Variants in ARID1B observed in about 807,000 individuals in gnomAD.
ARID1B encodes AT-rich interactive domain-containing protein 1B.
In ARID1B, 30 loss-of-function variants were observed where a neutral mutation model predicts 212.3. That is an observed-to-expected ratio of 0.14 (90% CI 0.11 to 0.19). ARID1B has a LOEUF of 0.19. ARID1B is among the 10% of genes least tolerant of loss of function. The pLI, the probability that ARID1B is intolerant of heterozygous loss-of-function variation, is 1.00. For synonymous variants in ARID1B, 1,402 were observed against 1,301.7 expected, an observed-to-expected ratio of 1.08 and a Z score of -1.66; for missense variants, 2,891 against 3,204.0, an observed-to-expected ratio of 0.90 and a Z score of 2.36.
intron 2 of ARID1B, among the ~76,000 whole-genome samples, chr6:156,862,666 T>C (rs1785415325): frequency 6.6e-6 from 1 of 151,742 alleles, no homozygotes; most frequent in South Asian, 2.1e-4. Context: ...AGCGGAGTGG[T>C]GTAAGGAGTG....
intron 4 of ARID1B, among the ~76,000 whole-genome samples, chr6:156,997,782 T>A (rs1305366123): frequency 6.6e-6 from 1 of 152,174 alleles, no homozygotes; most frequent in Admixed American, 6.5e-5. Context: ...TATCTAAAGA[T>A]TCTCCTATTA....
intron 1 of ARID1B, among the ~76,000 whole-genome samples, chr6:156,785,446 A>T (rs1237883193): frequency 6.6e-6 from 1 of 152,242 alleles, no homozygotes; most frequent in Non-Finnish European, 1.5e-5. Flanking sequence ...ATATTTGATG[A>T]AATCCAGAAG....
chr6:156,802,943 CAATT>C (rs539604640), intron 1 of ARID1B, among the ~76,000 whole-genome samples: 176 of 152,236 alleles, frequency 1.2e-3, no homozygotes, highest in African/African-American at 2.7e-3. Flanking sequence ...ATATGAAAAA[CAATT>C]AAAGCGTGAT....
chr6:156,864,087 T>C (rs969446008), intron 2 of ARID1B, among the ~76,000 whole-genome samples: 4 of 152,234 alleles, frequency 2.6e-5, no homozygotes, highest in African/African-American at 4.8e-5. Context: ...GGAAAAATTA[T>C]GTCTGTAGAA....
intron 6 of ARID1B, among the ~76,000 whole-genome samples, chr6:157,126,640 G>A (rs929244604): frequency 5.3e-5 from 8 of 152,094 alleles, no homozygotes; most frequent in Non-Finnish European, 7.4e-5. Context: ...ATGAGGTTTC[G>A]AGGAAACTTT....
intron 4 of ARID1B, among the ~76,000 whole-genome samples, chr6:157,077,448 C>T (rs1317076394): frequency 6.6e-6 from 1 of 152,100 alleles, no homozygotes; most frequent in African/African-American, 2.4e-5. Context: ...GGCTCCGGAG[C>T]CTCACCCTCT....
rs1235239550 is a variant in ARID1B, at chr6:156,778,142, C to T, written c.462C>T (p.Thr154=). The part of the protein sequence containing the change: ...TGLLPNHKLK[T]VGEAPAAPPH... Reference sequence around the variant, plus strand: ...TGCTCCCCAACCACAAACTGAAAACCGTTGGCGAAGCCCCCGCCGCGCCGC... The same window carrying T: ...TGCTCCCCAACCACAAACTGAAAACTGTTGGCGAAGCCCCCGCCGCGCCGC... Residue 154 remains threonine (T), a synonymous_variant, in exon 1 of 20, where the codon ACC becomes ACT. Coordinates refer to ENST00000636930, the MANE Select transcript of ARID1B (RefSeq NM_001374828.1). The T allele has an allele frequency of 1.9e-6, 3 of 1,539,966 alleles. No individual in the cohort carries two copies. The highest frequency in any genetic ancestry group is 2.6e-6 in the Non-Finnish European group (3 of 1,146,076).
chr6:156,817,951 T>A (rs747359215), intron 1 of ARID1B, among the ~76,000 whole-genome samples: 10 of 152,166 alleles, frequency 6.6e-5, no homozygotes, highest in Admixed American at 1.3e-4. Context: ...CAGTTATCAC[T>A]GTCAGGAAAC....
chr6:157,169,281 T>A (rs1319330120), intron 9 of ARID1B: 3 of 152,238 alleles, frequency 2.0e-5, no homozygotes, highest in Non-Finnish European at 4.4e-5. Flanking sequence ...GTGGTGGAAT[T>A]TTCTGAACCT....
intron 4 of ARID1B, among the ~76,000 whole-genome samples, chr6:156,951,692 C>G (rs1793602832): frequency 6.6e-6 from 1 of 152,156 alleles, no homozygotes; most frequent in South Asian, 2.1e-4. Flanking sequence ...ATCCGCCCGC[C>G]TCAGCCTTCC....
intron 2 of ARID1B, among the ~76,000 whole-genome samples, chr6:156,895,838 G>A (rs560059442): frequency 3.9e-5 from 6 of 152,026 alleles, no homozygotes; most frequent in Non-Finnish European, 8.8e-5. Context: ...AAGGAGCAAA[G>A]CATGGCTGAA....
At chr6:156,889,324 A>T (rs1787750456) in intron 2 of ARID1B, among the ~76,000 whole-genome samples, 1 of 152,270 alleles carries the variant, frequency 6.6e-6, no homozygotes. Flanking sequence ...TAGACTTTAT[A>T]GATCTGTGGT....
intron 4 of ARID1B, among the ~76,000 whole-genome samples, chr6:157,013,788 C>T (rs1414808661): frequency 6.6e-6 from 1 of 152,100 alleles, no homozygotes; most frequent in African/African-American, 2.4e-5. Flanking sequence ...GGGAATTCAG[C>T]GGCAGGCCTG....
chr6:156,884,667 G>T (rs1267491132), intron 2 of ARID1B, among the ~76,000 whole-genome samples: 2 of 152,218 alleles, frequency 1.3e-5, no homozygotes, highest in Non-Finnish European at 2.9e-5. Context: ...ATGTTTCTAG[G>T]ATTATTAGGC....
chr6:157,135,652 G>T (rs80308770), intron 7 of ARID1B, among the ~76,000 whole-genome samples: 5 of 152,226 alleles, frequency 3.3e-5, no homozygotes, highest in Admixed American at 1.3e-4. Context: ...CACCTTTTCC[G>T]CCTTGGAGCC....
At chr6:157,020,848 A>C (rs1780191558) in intron 4 of ARID1B, among the ~76,000 whole-genome samples, 1 of 152,164 alleles carries the variant, frequency 6.6e-6, no homozygotes, top group African/African-American at 2.4e-5. Context: ...TGGCTGATCT[A>C]CTTGAGTCCT....
In ARID1B at chr6:156,866,181, T is replaced by C. The variant is rs149378425; in HGVS notation, c.1987-35195T>C. Reference sequence around the variant, plus strand: ...AAAGAGGTCTGTTGGCAAGGTTGATTGTGCTGGGGGATTCTGTGGATACTG... The same window carrying C: ...AAAGAGGTCTGTTGGCAAGGTTGATCGTGCTGGGGGATTCTGTGGATACTG... On this transcript the variant is annotated intron_variant, in intron 2 of 19. Transcript: ENST00000636930. Among the ~76,000 whole-genome samples the C allele has an allele frequency of 5.6e-3, 859 of 152,256 alleles. 4 individuals carry two copies. Among genetic ancestry groups the C allele is most frequent in the Non-Finnish European group, 9.5e-3 (643 of 68,020 alleles).
chr6:156,856,700 T>TCACACACA (rs141705209), intron 2 of ARID1B, among the ~76,000 whole-genome samples: 72 of 114,734 alleles, frequency 6.3e-4, no homozygotes, highest in Non-Finnish European at 1.0e-3. Flanking sequence ...TCTCTCTCTC[T>TCACACACA]CACACACACA....
intron 3 of ARID1B, among the ~76,000 whole-genome samples, chr6:156,928,178 G>GA (rs1247900679): frequency 3.3e-5 from 5 of 152,316 alleles, no homozygotes; most frequent in Non-Finnish European, 7.3e-5. Flanking sequence ...GAGGGTGCCT[G>GA]AAGAGCTCTT....
Sources: gnomAD v4.1 joint callset for allele counts (sites outside exome capture counted in the v4.1 genomes callset) on GRCh38, gnomAD v4.1.1 for gene constraint, MANE v1.5 for transcripts, NCBI Gene and HGNC (gene_info 2026-07-23, HGNC 2026-07-21) for gene names.